TMEM245: variants seen among roughly 807,000 people sequenced by gnomAD.
TMEM245 encodes protein CG-2.
In TMEM245, 69 loss-of-function variants were observed where a neutral mutation model predicts 101.2. The ratio of observed to expected loss-of-function variants is 0.68; its 90% CI spans 0.56 to 0.83. The LOEUF (loss-of-function observed/expected upper bound fraction) is 0.83, where lower values mean the gene tolerates loss of function less well. TMEM245 is among the 40% of genes least tolerant of loss of function. The pLI is 0.00. For synonymous variants in TMEM245, 537 were observed against 449.8 expected, an observed-to-expected ratio of 1.19 and a Z score of -2.45; for missense variants, 1,075 against 1,092.8, an observed-to-expected ratio of 0.98 and a Z score of 0.23.
rs1227219554 is a variant in TMEM245, at chr9:109,020,479, A to C, written c.2621T>G (p.Leu874Arg). The C allele has an allele frequency of 6.2e-7, 1 of 1,614,182 alleles. No individual in the cohort carries two copies. Among genetic ancestry groups the C allele is most frequent in the Non-Finnish European group, 8.5e-7 (1 of 1,179,986 alleles). The change falls in exon 18 of 18, where the codon CTG becomes CGG. Residue 874 changes from leucine (L) to arginine (R), a missense_variant. By Grantham distance (102) the Leu-to-Arg change is moderately radical. Coordinates refer to ENST00000374586, the MANE Select transcript of TMEM245 (RefSeq NM_032012.4). ...QRTFRDISED[L>R]KSSVG ...ACCACATCAACCTACTGAAGATTTC[A>C]GATCTTCAGAAATGTCACGGAAAGT... is the stretch of plus-strand genomic sequence containing the variant.
intron 8 of TMEM245, among the ~76,000 whole-genome samples, chr9:109,075,415 A>G (rs1829467938): frequency 6.6e-6 from 1 of 152,198 alleles, no homozygotes; most frequent in Non-Finnish European, 1.5e-5. Flanking sequence ...TGCTAACTGA[A>G]CAACACTGTG....
intron 3 of TMEM245, among the ~76,000 whole-genome samples, chr9:109,098,108 A>G (rs1376603126): frequency 1.3e-5 from 2 of 152,176 alleles, no homozygotes; most frequent in East Asian, 1.9e-4. Context: ...ATAGCCATCT[A>G]TCTTCCCTTA....
At chr9:109,091,183 A>C (rs201474111) in intron 4 of TMEM245, 28 bp from the exon 5 acceptor site, 2 of 1,581,860 alleles carry the variant, frequency 1.3e-6, no homozygotes, top group Non-Finnish European at 8.7e-7. Flanking sequence ...AACACCACAC[A>C]CCGCATTAGT....
intron 12 of TMEM245, among the ~76,000 whole-genome samples, chr9:109,056,166 G>GA (rs1828829340): frequency 6.6e-6 from 1 of 152,120 alleles, no homozygotes; most frequent in Admixed American, 6.5e-5. Flanking sequence ...AATACCCAGG[G>GA]AAAGCTAAAA....
chr9:109,080,431 A>G (rs894563860), intron 8 of TMEM245, among the ~76,000 whole-genome samples: 2 of 152,114 alleles, frequency 1.3e-5, no homozygotes, highest in African/African-American at 2.4e-5. Context: ...GCTATGGTAT[A>G]TATCAGCAGA....
In TMEM245 at chr9:109,097,925, T is replaced by C. The variant is rs143383015; in HGVS notation, c.800-4334A>G. ...CAGAGAGAGATTCCGTCTTGAAAAATAAATAAATAAAGTTTAGAACAATGC... is the reference window on the plus strand; with the variant it reads ...CAGAGAGAGATTCCGTCTTGAAAAACAAATAAATAAAGTTTAGAACAATGC... On this transcript the variant is annotated intron_variant, in intron 3 of 17. Transcript: ENST00000374586. 2.0e-3 allele frequency among the ~76,000 whole-genome samples: 304 copies of C among 152,036 alleles called. 3 individuals are homozygous for C. Among genetic ancestry groups the C allele is most frequent in the African/African-American group, 6.7e-3 (279 of 41,488 alleles).
Position 109,114,200 on chromosome 9 carries a change from T to C in TMEM245, c.579+5135A>G, listed in dbSNP as rs565286026. 1.8e-4 allele frequency among the ~76,000 whole-genome samples: 28 copies of C among 152,342 alleles called. No individual in the cohort carries two copies. In the South Asian group the frequency reaches 5.8e-3, roughly 32 times the overall value. On this transcript the variant is annotated intron_variant, in intron 1 of 17. Coordinates refer to ENST00000374586, the MANE Select transcript of TMEM245 (RefSeq NM_032012.4). ...CCTTAAATTATCCACTTAATTCTAATGTGAAAACCATTCTCTTTGTCATAT... is the reference window on the plus strand; with the variant it reads ...CCTTAAATTATCCACTTAATTCTAACGTGAAAACCATTCTCTTTGTCATAT...
chr9:109,067,056 CA>C (rs35037428), intron 9 of TMEM245, among the ~76,000 whole-genome samples: 282 of 85,750 alleles, frequency 3.3e-3, no homozygotes, highest in Middle Eastern at 0.014. Context: ...GACTCCATCT[CA>C]AAAAAAAAAA....
chr9:109,038,206 A>AC, intron 14 of TMEM245, 89 bp from the exon 15 acceptor site: 1 of 894,476 alleles, frequency 1.1e-6, no homozygotes, highest in Non-Finnish European at 1.7e-6. Flanking sequence ...ATTCCAAATC[A>AC]TGTAATAGCT....
intron 7 of TMEM245, among the ~76,000 whole-genome samples, chr9:109,083,632 A>C (rs1182846841): frequency 1.3e-5 from 2 of 152,092 alleles, no homozygotes; most frequent in Non-Finnish European, 2.9e-5. Context: ...CCTATTTATC[A>C]AGCTATTAAG....
intron 10 of TMEM245, among the ~76,000 whole-genome samples, chr9:109,063,156 G>C (rs189194886): frequency 6.6e-6 from 1 of 151,676 alleles, no homozygotes; most frequent in Admixed American, 6.6e-5. Flanking sequence ...GAGTTTCTCC[G>C]TCTCTGAGAG....
intron 5 of TMEM245, among the ~76,000 whole-genome samples, chr9:109,089,150 A>C (rs1043298854): frequency 6.6e-6 from 1 of 151,864 alleles, no homozygotes; most frequent in African/African-American, 2.4e-5. Context: ...AGTCTCAGCT[A>C]TCTGAGGGGC....
chr9:109,119,407 C>A lies in TMEM245; in HGVS notation c.507G>T (p.Leu169Phe), dbSNP rs1444947552. 4 of 1,527,182 alleles carry A rather than the reference C, an allele frequency of 2.6e-6. No homozygotes were observed. The highest frequency in any genetic ancestry group is 5.1e-5 in the East Asian group (2 of 38,900). 94.6% of individuals were successfully genotyped at this position (1,527,182 alleles called of 1,614,324 possible). A position where few individuals can be genotyped will look rare whatever the true frequency, so the allele number is the denominator to read the frequency against. ...LYGLYCLGSY[L>F]GVQVLLVHAA... ...CGTGCACCAGCAGCACCTGCACGCC[C>A]AAGTAGCTGCCGAGGCAGTAGAGGC... Residue 169 changes from leucine (L) to phenylalanine (F), a missense_variant, in exon 1 of 18, where the codon TTG becomes TTT. Leu to Phe is a conservative substitution (Grantham distance 22). Around this residue, in one of 2 missense-constraint regions of TMEM245, gnomAD observed 808 missense variants for 741.5 expected, o/e 1.09. Coordinates refer to ENST00000374586, the MANE Select transcript of TMEM245 (RefSeq NM_032012.4).
In TMEM245 at chr9:109,060,378, T is replaced by G; in HGVS notation, c.1698A>C (p.Arg566Ser). Residue 566 changes from arginine (R) to serine (S), a missense_variant, in exon 11 of 18, where the codon AGA (arginine) becomes AGC (serine). Transcript: ENST00000374586. ...IEKQVLELWD[R>S]LYHSWFVKNV... Reference sequence around the variant, plus strand: ...CCTTTACAAACCAAGAGTGATACAGTCTGTCCCAAAGTTCTAGTACTTGCT... The same window carrying G: ...CCTTTACAAACCAAGAGTGATACAGGCTGTCCCAAAGTTCTAGTACTTGCT... 3.7e-6 allele frequency: 6 copies of G among 1,613,438 alleles called. No individual in the cohort carries two copies. The highest frequency in any genetic ancestry group is 5.1e-6 in the Non-Finnish European group (6 of 1,179,660).
intron 7 of TMEM245, among the ~76,000 whole-genome samples, chr9:109,083,915 A>AAAAAAAAAAAAAAAAAAAAAAAAAAC (rs1171067579): frequency 7.1e-6 from 1 of 141,728 alleles, no homozygotes; most frequent in Non-Finnish European, 1.5e-5. Flanking sequence ...AAAAAAAAAA[A>AAAAAAAAAAAAAAAAAAAAAAAAAAC]AAAAAAAAAA....
intron 17 of TMEM245, among the ~76,000 whole-genome samples, chr9:109,029,251 T>C (rs1418513003): frequency 1.3e-5 from 2 of 152,028 alleles, no homozygotes; most frequent in Admixed American, 6.6e-5. Context: ...CAAAATAAAA[T>C]AAATTTCTGA....
intron 8 of TMEM245, among the ~76,000 whole-genome samples, chr9:109,079,924 A>T (rs899475501): frequency 7.2e-5 from 11 of 152,160 alleles, no homozygotes; most frequent in African/African-American, 2.7e-4. Flanking sequence ...AAGAACAGAT[A>T]GGAACTATAC....
chr9:109,046,556 G>A (rs1828498299), intron 14 of TMEM245, among the ~76,000 whole-genome samples: 2 of 152,178 alleles, frequency 1.3e-5, no homozygotes, highest in African/African-American at 4.8e-5. Flanking sequence ...AGAAGGCAAA[G>A]CTTCACGAAC....
chr9:109,093,678 A>G (rs1012933434), intron 3 of TMEM245, 87 bp from the exon 4 acceptor site: 4 of 1,074,326 alleles, frequency 3.7e-6, no homozygotes, highest in Non-Finnish European at 5.8e-6. Context: ...TTTCAACAAC[A>G]ACAAAATAAA....
Sources: gnomAD v4.1 joint callset for allele counts (sites outside exome capture counted in the v4.1 genomes callset) on GRCh38, gnomAD v4.1.1 for gene constraint, gnomAD v4.1.1 regional missense constraint, MANE v1.5 for transcripts, NCBI Gene and HGNC (gene_info 2026-07-23, HGNC 2026-07-21) for gene names.